EYS: variants seen among roughly 807,000 people sequenced by gnomAD.
EYS encodes EGF-like photoreceptor maintenance factor.
A neutral mutation model predicts 282.1 loss-of-function variants in EYS; 250 were observed. The observed-to-expected ratio is 0.89, with a 90% CI of 0.80 to 0.98. EYS has a LOEUF of 0.98. EYS is among the 50% of genes least tolerant of loss of function. The pLI, the probability that EYS is intolerant of heterozygous loss-of-function variation, is 0.00. For synonymous variants in EYS, 1,355 were observed against 1,282.9 expected (o/e 1.06, Z -1.20); for missense variants, 4,016 against 3,709.0 (o/e 1.08, Z -2.15).
intron 9 of EYS, among the ~76,000 whole-genome samples, chr6:65,346,331 CA>C (rs532294339): frequency 3.2e-4 from 42 of 130,294 alleles, no homozygotes; most frequent in African/African-American, 1.2e-3. Context: ...AGACACTAGG[CA>C]AAAAAGAAGA....
chr6:65,283,462 C>T (rs528189605), intron 12 of EYS, among the ~76,000 whole-genome samples: 1 of 151,942 alleles, frequency 6.6e-6, no homozygotes, highest in East Asian at 1.9e-4. Flanking sequence ...AGTTCATTGT[C>T]GTGACTATTT....
At chr6:64,478,566 C>G (rs1776345168) in intron 26 of EYS, among the ~76,000 whole-genome samples, 1 of 150,884 alleles carries the variant, frequency 6.6e-6, no homozygotes, top group Non-Finnish European at 1.5e-5. Context: ...TCTGTTACTT[C>G]TATTTGATGA....
intron 19 of EYS, among the ~76,000 whole-genome samples, chr6:64,862,726 G>A (rs184841076): frequency 1.4e-4 from 22 of 152,000 alleles, no homozygotes; most frequent in Admixed American, 7.9e-4. Flanking sequence ...CCAGGCATTC[G>A]TATGTAATGG....
At chr6:64,185,176 AAATAAAT>A (rs2150313634) in intron 31 of EYS, among the ~76,000 whole-genome samples, 1 of 146,702 alleles carries the variant, frequency 6.8e-6, no homozygotes, top group Non-Finnish European at 1.5e-5. Flanking sequence ...TGTGAGAAAT[AAATAAAT>A]AATAAATATG....
chr6:65,285,499 A>G (rs762335551), intron 12 of EYS, among the ~76,000 whole-genome samples: 6 of 151,982 alleles, frequency 3.9e-5, no homozygotes, highest in Non-Finnish European at 7.4e-5. Flanking sequence ...TGAAAATTGT[A>G]TAGATTAGAA....
chr6:65,497,503 G>A (rs1224813618), intron 2 of EYS, among the ~76,000 whole-genome samples: 1 of 151,966 alleles, frequency 6.6e-6, no homozygotes, highest in Admixed American at 6.6e-5. Context: ...AGTAAGAGAA[G>A]TGGAGCTTTC....
At chr6:63,888,993 T>C (rs1319166631) in intron 35 of EYS, among the ~76,000 whole-genome samples, 5 of 152,076 alleles carry the variant, frequency 3.3e-5, no homozygotes, top group Non-Finnish European at 5.9e-5. Context: ...TCATGAAGCA[T>C]ACACAAGTAT....
intron 12 of EYS, among the ~76,000 whole-genome samples, chr6:65,118,581 T>C (rs1173489875): frequency 1.3e-5 from 2 of 152,314 alleles, no homozygotes; most frequent in South Asian, 2.1e-4. Flanking sequence ...CTCCATGCCC[T>C]ATAGCTCTGT....
intron 31 of EYS, among the ~76,000 whole-genome samples, chr6:64,147,174 C>G (rs1774548183): frequency 6.6e-6 from 1 of 151,830 alleles, no homozygotes; most frequent in African/African-American, 2.4e-5. Context: ...CTTTGCTATT[C>G]TTTTTTTTAG....
intron 29 of EYS, among the ~76,000 whole-genome samples, chr6:64,318,449 G>A (rs954047897): frequency 2.0e-5 from 3 of 151,890 alleles, no homozygotes; most frequent in African/African-American, 7.2e-5. Context: ...AATATAGACT[G>A]CTGTATACAA....
chr6:64,403,995 A>C (rs563402731), intron 28 of EYS, among the ~76,000 whole-genome samples: 86 of 152,232 alleles, frequency 5.6e-4, no homozygotes, highest in African/African-American at 1.9e-3. Flanking sequence ...CTTACCTTGA[A>C]AGTGTATTTC....
chr6:64,452,765 C>T (rs1039765741), intron 26 of EYS, among the ~76,000 whole-genome samples: 64 of 152,026 alleles, frequency 4.2e-4, no homozygotes, highest in Admixed American at 5.2e-4. Context: ...GGGAAACGAT[C>T]CCCTATTTAA....
At chr6:63,991,003 G>A (rs1054854821) in intron 34 of EYS, among the ~76,000 whole-genome samples, 1 of 151,620 alleles carries the variant, frequency 6.6e-6, no homozygotes, top group Admixed American at 6.6e-5. Context: ...AGTGTTAATG[G>A]GACTTGGCAT....
At chr6:64,808,594 TA>T (rs200634027) in intron 22 of EYS, among the ~76,000 whole-genome samples, 2,214 of 152,100 alleles carry the variant, frequency 0.015, 27 homozygotes, top group Non-Finnish European at 0.02. Flanking sequence ...ACTCAAAGTG[TA>T]AAAAATTATA....
chr6:63,895,229 A>G (rs1773506994), intron 35 of EYS, among the ~76,000 whole-genome samples: 1 of 89,522 alleles, frequency 1.1e-5, no homozygotes, highest in Non-Finnish European at 2.4e-5. Context: ...ATCTTTTCCC[A>G]CAATCTCAAT....
At chr6:64,444,649 C>T (rs1775061690) in intron 26 of EYS, among the ~76,000 whole-genome samples, 2 of 152,138 alleles carry the variant, frequency 1.3e-5, no homozygotes, top group African/African-American at 4.8e-5. Context: ...TGTCAAGCAT[C>T]TGAAAGCACA....
chr6:65,431,677 T>C (rs1178278033), intron 5 of EYS, among the ~76,000 whole-genome samples: 1 of 152,124 alleles, frequency 6.6e-6, no homozygotes, highest in Non-Finnish European at 1.5e-5. Context: ...TCACCGGCTG[T>C]TCTAAAATCA....
At chr6:64,284,879 T>G (rs527673185) in intron 30 of EYS, among the ~76,000 whole-genome samples, 4 of 152,294 alleles carry the variant, frequency 2.6e-5, no homozygotes, top group African/African-American at 9.6e-5. Context: ...GTCCCTAGAC[T>G]GCACACAGCA....
intron 40 of EYS, among the ~76,000 whole-genome samples, chr6:63,762,845 T>G (rs1225736443): frequency 1.3e-5 from 2 of 152,082 alleles, no homozygotes; most frequent in Non-Finnish European, 2.9e-5. Flanking sequence ...CGATTCAGAG[T>G]GTAAAAATTG....
Sources: gnomAD v4.1 joint callset for allele counts (sites outside exome capture counted in the v4.1 genomes callset) on GRCh38, gnomAD v4.1.1 for gene constraint, MANE v1.5 for transcripts, NCBI Gene and HGNC (gene_info 2026-07-23, HGNC 2026-07-21) for gene names.